The following TBC1D19 variants were observed in gnomAD, a reference collection of about 807,000 sequenced individuals.
TBC1D19 encodes the protein TBC1 domain family, member 19.
TBC1D19 carries 60 observed loss-of-function variants against 89.0 expected under a neutral mutation model. The ratio of observed to expected loss-of-function variants is 0.67; its 90% CI spans 0.55 to 0.84. The LOEUF is 0.84. Among genes scored for constraint, TBC1D19 ranks in the 40% least tolerant of loss-of-function variants. TBC1D19 has a pLI of 0.00. For synonymous variants in TBC1D19, 189 were observed against 199.7 expected, an observed-to-expected ratio of 0.95 and a Z score of 0.45; for missense variants, 500 against 610.8, an observed-to-expected ratio of 0.82 and a Z score of 1.91.
At chr4:26,693,749 G>A (rs1482545314) in intron 13 of TBC1D19, among the ~76,000 whole-genome samples, 1 of 151,678 alleles carries the variant, frequency 6.6e-6, no homozygotes, top group African/African-American at 2.4e-5. Flanking sequence ...TAATACAGAA[G>A]GTTTTAAAGA....
intron 1 of TBC1D19, among the ~76,000 whole-genome samples, chr4:26,604,919 T>C (rs1740885151): frequency 6.6e-6 from 1 of 151,870 alleles, no homozygotes; most frequent in East Asian, 1.9e-4. Context: ...AATGCTACTA[T>C]GAACATTAGT....
At chr4:26,744,166 T>C (rs1718520075) in intron 18 of TBC1D19, among the ~76,000 whole-genome samples, 1 of 151,706 alleles carries the variant, frequency 6.6e-6, no homozygotes, top group Non-Finnish European at 1.5e-5. Flanking sequence ...AACAGAAAGT[T>C]ATTCATAATA....
intron 13 of TBC1D19, among the ~76,000 whole-genome samples, chr4:26,695,752 C>T (rs925073215): frequency 1.3e-5 from 2 of 152,182 alleles, no homozygotes; most frequent in Non-Finnish European, 2.9e-5. Flanking sequence ...CATATCCAGA[C>T]AAACAAAGCT....
intron 15 of TBC1D19, among the ~76,000 whole-genome samples, chr4:26,729,012 C>T (rs1717496437): frequency 6.6e-6 from 1 of 152,004 alleles, no homozygotes; most frequent in African/African-American, 2.4e-5. Flanking sequence ...GAGACTCCGT[C>T]TCAAAAAAAG....
chr4:26,839,401 A>T, the TBC1D19 span, among the ~76,000 whole-genome samples: 112 of 152,302 alleles, frequency 7.4e-4, 1 homozygote, highest in South Asian at 0.023. Flanking sequence ...AAGCCTAGTT[A>T]ATTTCCACTT....
chr4:26,707,284 A>G (rs1219134668), intron 13 of TBC1D19, among the ~76,000 whole-genome samples: 1 of 152,014 alleles, frequency 6.6e-6, no homozygotes, highest in Non-Finnish European at 1.5e-5. Flanking sequence ...TTGTTAATAT[A>G]TAATGTCTTT....
chr4:26,591,034 A>T (rs1739761093), intron 1 of TBC1D19, among the ~76,000 whole-genome samples: 1 of 147,656 alleles, frequency 6.8e-6, no homozygotes, highest in Non-Finnish European at 1.5e-5. Flanking sequence ...CAGTATTCTA[A>T]AAATCCCCTG....
intron 13 of TBC1D19, among the ~76,000 whole-genome samples, chr4:26,699,606 A>T (rs568478414): frequency 6.6e-6 from 1 of 152,296 alleles, no homozygotes; most frequent in South Asian, 2.1e-4. Flanking sequence ...AAGACTTGCA[A>T]CCAACCCAAA....
the TBC1D19 span, among the ~76,000 whole-genome samples, chr4:26,776,156 A>G: frequency 3.3e-5 from 5 of 152,192 alleles, no homozygotes; most frequent in Admixed American, 3.3e-4. Flanking sequence ...TTTTAAGGCC[A>G]CAATCTGATC....
chr4:26,816,767 C>T, the TBC1D19 span, among the ~76,000 whole-genome samples: 1 of 151,974 alleles, frequency 6.6e-6, no homozygotes, highest in Non-Finnish European at 1.5e-5. Context: ...TACTTTTGCA[C>T]AAACCTAATA....
intron 16 of TBC1D19, among the ~76,000 whole-genome samples, chr4:26,736,617 A>T (rs909504172): frequency 1.3e-5 from 2 of 152,218 alleles, no homozygotes; most frequent in African/African-American, 4.8e-5. Context: ...CTAGAGATAC[A>T]TATTAATATT....
chr4:26,627,852 T>C (rs940476846), intron 4 of TBC1D19, among the ~76,000 whole-genome samples: 7 of 152,064 alleles, frequency 4.6e-5, no homozygotes, highest in African/African-American at 1.2e-4. Flanking sequence ...TTCACTCTGA[T>C]GGTAGTTTCT....
rs775826919 is a variant in TBC1D19 at position 26,748,523 on chromosome 4, G to C, written c.1432G>C (p.Ala478Pro). 1.2e-6 allele frequency: 2 copies of C among 1,607,188 alleles called. No homozygotes were observed. The highest frequency in any genetic ancestry group is 3.3e-5 in the Admixed American group (2 of 59,844). ...AGGATACAACTCTCTGGAAATTCTT[G>C]CTGGTAAGAGTAAATGCTTGTTTGT... ...ILGYNSLEIL[A>P]VLAAAVFAFR... The change falls in exon 19 of 21, where the codon GCT (alanine) becomes CCT (proline). Residue 478 changes from alanine to proline, a missense_variant. Physicochemically the swap from Ala to Pro is conservative, Grantham distance 27. Around this residue, in one of 2 missense-constraint regions of TBC1D19, gnomAD observed 220 missense variants for 319.1 expected, o/e 0.69. Transcript: ENST00000264866.
chr4:26,798,219 T>TA, the TBC1D19 span, among the ~76,000 whole-genome samples: 1 of 151,688 alleles, frequency 6.6e-6, no homozygotes, highest in African/African-American at 2.4e-5. Flanking sequence ...ACAACCCCAT[T>TA]AAAAATGGCA....
At chr4:26,594,825 G>A (rs1181767083) in intron 1 of TBC1D19, among the ~76,000 whole-genome samples, 1 of 152,096 alleles carries the variant, frequency 6.6e-6, no homozygotes, top group African/African-American at 2.4e-5. Context: ...AAAAAATCCC[G>A]CTACAACTGC....
the TBC1D19 span, among the ~76,000 whole-genome samples, chr4:26,838,870 T>C: frequency 3.3e-5 from 5 of 152,326 alleles, no homozygotes; most frequent in South Asian, 1.0e-3. Context: ...AGATCCTTCA[T>C]AAAATGCAGA....
rs1337533623 is a variant in TBC1D19, at chr4:26,584,263, T to C, written c.70T>C (p.Leu24=). The change falls in exon 1 of 21, where the codon TTG becomes CTG. Residue 24 remains leucine, a synonymous_variant. Transcript: ENST00000264866. ...AGTCCAAAAGCTCAAGGGCTCCAAT[T>C]TGTACTCTCAGCTGGAACGGCAGGC... The part of the protein sequence containing the change: ...QIVQKLKGSN[L]YSQLERQAWA... 9.9e-6 allele frequency: 16 copies of C among 1,612,208 alleles called. No individual in the cohort carries two copies. The highest frequency in any genetic ancestry group is 1.4e-5 in the Non-Finnish European group (16 of 1,179,422).
chr4:26,712,350 A>G (rs1213986762), intron 13 of TBC1D19, among the ~76,000 whole-genome samples: 2 of 151,950 alleles, frequency 1.3e-5, no homozygotes, highest in Admixed American at 6.6e-5. Context: ...CTTGCCATTT[A>G]TAGAACCTAG....
intron 15 of TBC1D19, among the ~76,000 whole-genome samples, chr4:26,725,965 C>T (rs1717284504): frequency 6.6e-6 from 1 of 152,180 alleles, no homozygotes; most frequent in Non-Finnish European, 1.5e-5. Context: ...CAAAAATACA[C>T]ATGTATCTGA....
Sources: allele counts gnomAD v4.1 joint callset (sites outside exome capture counted in the v4.1 genomes callset), GRCh38; gene constraint gnomAD v4.1.1; regional missense constraint gnomAD v4.1.1; transcripts MANE v1.5; gene names NCBI Gene and HGNC (gene_info 2026-07-23, HGNC 2026-07-21).